Variants in RHBDD1 observed in about 807,000 individuals in gnomAD.
The protein encoded by RHBDD1 is rhomboid domain containing 1, also known as rhomboid-related protein 4.
RHBDD1 carries 38 observed loss-of-function variants against 36.3 expected under a neutral mutation model. That is an observed-to-expected ratio of 1.05 (90% CI 0.81 to 1.37). The LOEUF (loss-of-function observed/expected upper bound fraction) is 1.37. Ranked by LOEUF, RHBDD1 falls within the 40% of genes most tolerant of loss-of-function variation. The pLI, the probability that RHBDD1 is intolerant of heterozygous loss-of-function variation, is 0.00. For missense variants in RHBDD1, 393 were observed against 377.6 expected (o/e 1.04, Z -0.34); for synonymous variants, 151 against 136.5 (o/e 1.11, Z -0.74).
At chr2:226,806,781 A>G in the RHBDD1 span, among the ~76,000 whole-genome samples, 1 of 152,202 alleles carries the variant, frequency 6.6e-6, no homozygotes, top group African/African-American at 2.4e-5. Flanking sequence ...GACCCACTAA[A>G]TTAATTTCCT....
chr2:226,828,998 A>AT, the RHBDD1 span, among the ~76,000 whole-genome samples: 317 of 152,026 alleles, frequency 2.1e-3, 1 homozygote, highest in African/African-American at 7.2e-3. Context: ...TTCTTTTGTG[A>AT]TTTTTTCTAG....
intron 5 of RHBDD1, among the ~76,000 whole-genome samples, chr2:226,894,913 G>A (rs1463401849): frequency 2.0e-5 from 3 of 152,132 alleles, no homozygotes; most frequent in African/African-American, 4.8e-5. Flanking sequence ...ACACTGGCCC[G>A]GGATGATCAG....
intron 8 of RHBDD1, among the ~76,000 whole-genome samples, chr2:226,989,967 T>C (rs1957811072): frequency 6.6e-6 from 1 of 152,232 alleles, no homozygotes; most frequent in Non-Finnish European, 1.5e-5. Flanking sequence ...CTTGATTGAT[T>C]GAAGGATAGA....
intron 8 of RHBDD1, among the ~76,000 whole-genome samples, chr2:226,995,012 G>T (rs183513010): frequency 1.2e-3 from 180 of 152,180 alleles, no homozygotes; most frequent in African/African-American, 4.2e-3. Context: ...GGAAGAAAAG[G>T]AGCACCCAAA....
At chr2:226,887,425 C>G (rs1396718957) in intron 5 of RHBDD1, among the ~76,000 whole-genome samples, 1 of 152,118 alleles carries the variant, frequency 6.6e-6, no homozygotes. Context: ...GGGAGAATTC[C>G]TCAGTGTAAC....
intron 5 of RHBDD1, among the ~76,000 whole-genome samples, chr2:226,869,390 G>A (rs554672107): frequency 7.2e-5 from 11 of 152,324 alleles, no homozygotes; most frequent in African/African-American, 2.2e-4. Context: ...AGCAGTGAAT[G>A]CTTCTTTGAG....
At chr2:226,832,729 T>C (rs1026709997), upstream of RHBDD1, among the ~76,000 whole-genome samples, 4 of 152,318 alleles carry the variant, frequency 2.6e-5, no homozygotes, top group African/African-American at 9.6e-5. Flanking sequence ...TAAAAATATT[T>C]CTTGTCAGCC....
At chr2:226,806,630 T>G in the RHBDD1 span, among the ~76,000 whole-genome samples, 2,708 of 152,320 alleles carry the variant, frequency 0.018, 54 homozygotes, top group African/African-American at 0.062. Context: ...TGAACATCAG[T>G]GCGCACACAC....
chr2:226,877,198 T>C (rs1210408819), intron 5 of RHBDD1, among the ~76,000 whole-genome samples: 1 of 152,250 alleles, frequency 6.6e-6, no homozygotes, highest in Non-Finnish European at 1.5e-5. Context: ...CCACGTTCTG[T>C]AACATTAAAA....
In RHBDD1 at chr2:226,997,855, T is replaced by C. The variant is rs1432315081; in HGVS notation, c.*2333T>C. On this transcript the variant is annotated 3_prime_UTR_variant, in exon 9 of 9. Transcript: ENST00000392062. Reference sequence around the variant, plus strand: ...GTTCTGGAAATTATTATAATTATTTTAGTTAATGGACTTGCCTGTAACAAG... The same window carrying C: ...GTTCTGGAAATTATTATAATTATTTCAGTTAATGGACTTGCCTGTAACAAG... 1 of 152,254 alleles carries C rather than the reference T, an allele frequency of 6.6e-6. No individual in the cohort carries two copies. Among genetic ancestry groups the C allele is most frequent in the Admixed American group, 6.5e-5 (1 of 15,288 alleles). 9.4% of individuals were successfully genotyped at this position (152,254 alleles called of 1,614,324 possible).
chr2:226,898,194 T>G (rs1458421576), intron 5 of RHBDD1, among the ~76,000 whole-genome samples: 1 of 152,066 alleles, frequency 6.6e-6, no homozygotes, highest in Non-Finnish European at 1.5e-5. Flanking sequence ...GGGACAAACC[T>G]CAAAGCCATG....
intron 3 of RHBDD1, among the ~76,000 whole-genome samples, chr2:226,840,695 A>T (rs749136753): frequency 1.6e-4 from 24 of 152,234 alleles, no homozygotes; most frequent in Non-Finnish European, 2.5e-4. Flanking sequence ...TGTTGTCATT[A>T]CACCAACAGC....
At chr2:226,935,269 G>C (rs1682131662) in intron 8 of RHBDD1, 1 of 152,116 alleles carries the variant, frequency 6.6e-6, no homozygotes, top group Admixed American at 6.6e-5. Flanking sequence ...TTAATATGTA[G>C]TGCTTTGTTA....
intron 8 of RHBDD1, among the ~76,000 whole-genome samples, chr2:226,938,637 A>T (rs535573683): frequency 6.6e-6 from 1 of 152,220 alleles, no homozygotes. Context: ...TAAATAGCCT[A>T]CCAACCACAA....
the RHBDD1 span, among the ~76,000 whole-genome samples, chr2:226,827,247 G>A: frequency 6.6e-6 from 1 of 152,222 alleles, no homozygotes; most frequent in Non-Finnish European, 1.5e-5. Context: ...TGACAGGCAT[G>A]AGCCACTGTG....
chr2:226,802,266 T>A, the RHBDD1 span, among the ~76,000 whole-genome samples: 8 of 152,208 alleles, frequency 5.3e-5, no homozygotes, highest in Admixed American at 4.6e-4. Flanking sequence ...TCGATAAAAA[T>A]TATGAAATAA....
At chr2:226,866,368 C>G (rs906179631) in intron 4 of RHBDD1, among the ~76,000 whole-genome samples, 1 of 152,186 alleles carries the variant, frequency 6.6e-6, no homozygotes, top group Non-Finnish European at 1.5e-5. Flanking sequence ...CTGTGCCCGG[C>G]CTTGATTTTA....
chr2:226,995,505 A>G lies in RHBDD1; in HGVS notation c.931A>G (p.Arg311Gly). 1.2e-6 allele frequency: 2 copies of G among 1,610,946 alleles called. No individual in the cohort carries two copies. The highest frequency in any genetic ancestry group is 1.3e-5 in the African/African-American group (1 of 75,008). The change falls in exon 9 of 9, where the codon AGA (arginine) becomes GGA (glycine). Residue 311 changes from arginine (R) to glycine (G), a missense_variant. Transcript: ENST00000392062. ...AGAAATGAGGAGACAGCGGCTTCAC[A>G]GATTCGATAGCCAGTGAGGTGGCAT... ...PEEMRRQRLH[R>G]FDSQ
chr2:226,965,228 G>C (rs1952530396), intron 8 of RHBDD1, among the ~76,000 whole-genome samples: 1 of 152,172 alleles, frequency 6.6e-6, no homozygotes, highest in Non-Finnish European at 1.5e-5. Flanking sequence ...TCACAAGCCA[G>C]GGAACACCAA....
Sources: gnomAD v4.1 joint callset for allele counts (sites outside exome capture counted in the v4.1 genomes callset) on GRCh38, gnomAD v4.1.1 for gene constraint, MANE v1.5 for transcripts, NCBI Gene and HGNC (gene_info 2026-07-23, HGNC 2026-07-21) for gene names.